Variants in MLLT10 observed in about 807,000 individuals in gnomAD.
MLLT10 encodes protein AF-10.
Under a neutral mutation model 129.1 loss-of-function variants are expected in MLLT10, and 30 were observed. That is an observed-to-expected ratio of 0.23 (90% CI 0.17 to 0.32). MLLT10 has a LOEUF of 0.32. MLLT10 is among the 10% of genes least tolerant of loss of function. MLLT10 has a pLI of 1.00. For synonymous variants in MLLT10, 490 were observed against 446.4 expected (o/e 1.10, Z -1.23); for missense variants, 1,119 against 1,268.3 (o/e 0.88, Z 1.79).
chr10:21,547,670 C>G (rs1409691900), intron 3 of MLLT10, among the ~76,000 whole-genome samples: 2 of 151,768 alleles, frequency 1.3e-5, no homozygotes, highest in Non-Finnish European at 2.9e-5. Context: ...TCTTGAGTAG[C>G]TGGGACTACA....
intron 8 of MLLT10, among the ~76,000 whole-genome samples, chr10:21,646,942 G>A (rs749579121): frequency 6.7e-5 from 10 of 148,334 alleles, no homozygotes; most frequent in South Asian, 2.1e-4. Flanking sequence ...TGCAAGCTCC[G>A]CCTCTCGAGT....
chr10:21,600,481 ACT>A (rs1282789193), intron 5 of MLLT10, among the ~76,000 whole-genome samples: 2 of 151,886 alleles, frequency 1.3e-5, no homozygotes, highest in Non-Finnish European at 2.9e-5. Flanking sequence ...GAAACATATT[ACT>A]CTGTTTGTAA....
chr10:21,568,219 A>T (rs1017566572), intron 3 of MLLT10, among the ~76,000 whole-genome samples: 12 of 152,166 alleles, frequency 7.9e-5, no homozygotes, highest in Non-Finnish European at 1.2e-4. Flanking sequence ...AGAAGAGAAT[A>T]CCCAGGGAAT....
chr10:21,700,387 A>G (rs1417886312), intron 13 of MLLT10, among the ~76,000 whole-genome samples: 1 of 152,108 alleles, frequency 6.6e-6, no homozygotes, highest in East Asian at 1.9e-4. Flanking sequence ...TCTGGTTAGA[A>G]TTGTCAATAT....
chr10:21,697,388 C>T (rs978997394), intron 13 of MLLT10, among the ~76,000 whole-genome samples: 4 of 152,162 alleles, frequency 2.6e-5, no homozygotes, highest in Non-Finnish European at 4.4e-5. Context: ...ATCGCTTGAA[C>T]CTGGGAGGTG....
intron 13 of MLLT10, among the ~76,000 whole-genome samples, chr10:21,706,387 A>G (rs1445454544): frequency 1.3e-5 from 2 of 152,166 alleles, no homozygotes; most frequent in Non-Finnish European, 2.9e-5. Flanking sequence ...AGCCCTGTGA[A>G]ATTGTTGGTA....
rs2058121201 is a variant in MLLT10 at position 21,733,585 on chromosome 10, T to TA, written c.2492dup (p.Asn831LysfsTer50). 1 of 1,553,168 alleles carries TA rather than the reference T, an allele frequency of 6.4e-7. No individual in the cohort carries two copies. The highest frequency in any genetic ancestry group is 8.7e-7 in the Non-Finnish European group (1 of 1,151,582). On this transcript the variant is annotated frameshift_variant, in exon 19 of 23. Coordinates refer to ENST00000307729, the MANE Select transcript of MLLT10 (RefSeq NM_001195626.3). LOFTEE classifies it high-confidence loss of function. ...TTACCTGATAATTCTCTTCCTGTAT[T>TA]AAATCAGGTAATTTTTGTATGGTTA...
chr10:21,562,800 A>G (rs966738703), intron 3 of MLLT10, among the ~76,000 whole-genome samples: 4 of 136,494 alleles, frequency 2.9e-5, no homozygotes, highest in East Asian at 2.1e-4. Flanking sequence ...GCTGACTTAC[A>G]TATACTTTGT....
Position 21,742,214 on chromosome 10 carries a change from A to T in MLLT10, c.*231A>T. ...TACCCCTTACCCCAGTTTTTTGAAC[A>T]TGGAAAGAAAATTTAATAACTTTTT... On this transcript the variant is annotated 3_prime_UTR_variant, in exon 23 of 23. Coordinates refer to ENST00000307729, the MANE Select transcript of MLLT10 (RefSeq NM_001195626.3). 7.3e-6 allele frequency: 3 copies of T among 412,192 alleles called. No individual in the cohort carries two copies. The East Asian group carries it at 1.1e-4, about 15-fold the overall frequency. 25.5% of individuals were successfully genotyped at this position (412,192 alleles called of 1,614,324 possible). A position where few individuals can be genotyped will look rare whatever the true frequency, so the allele number is the denominator to read the frequency against.
intron 21 of MLLT10, among the ~76,000 whole-genome samples, chr10:21,739,666 A>G (rs1427275643): frequency 6.6e-6 from 1 of 152,174 alleles, no homozygotes; most frequent in Non-Finnish European, 1.5e-5. Context: ...AAGCACCCTA[A>G]TGACAGGCAG....
intron 17 of MLLT10, 82 bp downstream of exon 17, chr10:21,731,136 C>A: frequency 7.9e-7 from 1 of 1,260,684 alleles, no homozygotes; most frequent in Non-Finnish European, 1.1e-6. Flanking sequence ...AGTCACTTTT[C>A]ATCCAGAGTA....
chr10:21,735,370 G>A (rs1349585492), intron 21 of MLLT10, 135 bp downstream of exon 21: 1 of 705,102 alleles, frequency 1.4e-6, no homozygotes, highest in Admixed American at 2.8e-5. Flanking sequence ...TTGCCATGTG[G>A]TACAGGCTGT....
intron 15 of MLLT10, among the ~76,000 whole-genome samples, chr10:21,726,971 G>A (rs1254718071): frequency 6.6e-6 from 1 of 152,054 alleles, no homozygotes; most frequent in Non-Finnish European, 1.5e-5. Context: ...ACGTTTTGTC[G>A]CATTTGTCTC....
At chr10:21,706,400 A>G (rs2055502797) in intron 13 of MLLT10, among the ~76,000 whole-genome samples, 1 of 152,202 alleles carries the variant, frequency 6.6e-6, no homozygotes, top group African/African-American at 2.4e-5. Flanking sequence ...TGTTGGTACC[A>G]CCCTCACTTT....
intron 2 of MLLT10, among the ~76,000 whole-genome samples, chr10:21,536,096 G>A (rs2033945170): frequency 6.6e-6 from 1 of 152,078 alleles, no homozygotes; most frequent in African/African-American, 2.4e-5. Context: ...GCACACCCTA[G>A]CACACCGGCT....
intron 10 of MLLT10, among the ~76,000 whole-genome samples, chr10:21,672,727 T>C (rs903495243): frequency 1.3e-5 from 2 of 152,232 alleles, no homozygotes; most frequent in Admixed American, 6.5e-5. Context: ...ATGTGAGATA[T>C]AGATTAGATT....
chr10:21,563,071 A>G (rs2039067973), intron 3 of MLLT10, among the ~76,000 whole-genome samples: 2 of 151,776 alleles, frequency 1.3e-5, no homozygotes, highest in African/African-American at 2.4e-5. Flanking sequence ...GGTGCTTCCT[A>G]TTGCACCATC....
intron 13 of MLLT10, among the ~76,000 whole-genome samples, chr10:21,713,499 A>G (rs953946805): frequency 1.3e-5 from 2 of 152,232 alleles, no homozygotes; most frequent in Non-Finnish European, 2.9e-5. Flanking sequence ...CCTAAAATCC[A>G]TGACATATTT....
chr10:21,656,187 T>C lies in MLLT10; in HGVS notation c.795+4419T>C, dbSNP rs116200176. Among the ~76,000 whole-genome samples the C allele has an allele frequency of 4.7e-3, 709 of 152,218 alleles. 3 individuals are homozygous for C. Among genetic ancestry groups the C allele is most frequent in the African/African-American group, 0.016 (662 of 41,526 alleles). On this transcript the variant is annotated intron_variant, in intron 9 of 22. Coordinates refer to ENST00000307729, the MANE Select transcript of MLLT10 (RefSeq NM_001195626.3). ...TCATAGGTTCCTTTTTGGGGAACGG[T>C]GTCATTTTACATTGGTTCACCACAC... is the stretch of plus-strand genomic sequence containing the variant.
Sources: allele counts gnomAD v4.1 joint callset (sites outside exome capture counted in the v4.1 genomes callset), GRCh38; gene constraint gnomAD v4.1.1; transcripts MANE v1.5; gene names NCBI Gene and HGNC (gene_info 2026-07-23, HGNC 2026-07-21).